Variants in DPP6 observed in about 807,000 individuals in gnomAD.
DPP6 encodes dipeptidyl peptidase like 6, also known as A-type potassium channel modulatory protein DPP6.
In DPP6, 69 loss-of-function variants were observed where a neutral mutation model predicts 122.6. That is an observed-to-expected ratio of 0.56 (90% CI 0.46 to 0.69). The LOEUF (loss-of-function observed/expected upper bound fraction) is 0.69. Ranked by LOEUF, DPP6 falls within the 30% of genes least tolerant of loss-of-function variation. DPP6 has a pLI of 0.00. For missense variants in DPP6, 928 were observed against 1,116.9 expected (o/e 0.83, Z 2.41); for synonymous variants, 418 against 433.1 (o/e 0.97, Z 0.43).
In DPP6 at chr7:154,892,694, G is replaced by A. The variant is rs1482524058; in HGVS notation, c.*214G>A. On this transcript the variant is annotated 3_prime_UTR_variant, in exon 26 of 26. Transcript: ENST00000377770. ...CGGCCTCCATGGCACCAGGGACAACGCTGTCCCCGCAGCAGCGCCTCCTCC... is the reference window on the plus strand; with the variant it reads ...CGGCCTCCATGGCACCAGGGACAACACTGTCCCCGCAGCAGCGCCTCCTCC... The A allele has an allele frequency of 2.9e-6, 3 of 1,025,304 alleles. No homozygotes were observed. In the African/African-American group the frequency reaches 4.7e-5, roughly 16 times the overall value. The allele number at this position is 1,025,304 out of a possible 1,614,324, so 63.5% of individuals were successfully genotyped here. A position where few individuals can be genotyped will look rare whatever the true frequency, so the allele number is the denominator to read the frequency against.
chr7:154,754,089 C>T (rs557001141), intron 8 of DPP6, among the ~76,000 whole-genome samples: 37 of 151,854 alleles, frequency 2.4e-4, no homozygotes, highest in Admixed American at 3.9e-4. Context: ...TTTTGATATC[C>T]ATTATTTTTC....
intron 6 of DPP6, among the ~76,000 whole-genome samples, chr7:154,643,238 A>G (rs1306229578): frequency 6.6e-6 from 1 of 151,540 alleles, no homozygotes; most frequent in East Asian, 1.9e-4. Flanking sequence ...AATACTCAAT[A>G]ATTTTTTTTA....
intron 1 of DPP6, among the ~76,000 whole-genome samples, chr7:153,906,609 T>A (rs1799862715): frequency 6.6e-6 from 1 of 152,072 alleles, no homozygotes; most frequent in Non-Finnish European, 1.5e-5. Context: ...TCTTACCATG[T>A]CTAGTTAATT....
At chr7:154,015,924 G>A (rs35010474) in intron 1 of DPP6, among the ~76,000 whole-genome samples, 16,452 of 152,142 alleles carry the variant, frequency 0.11, 993 homozygotes, top group East Asian at 0.19. Flanking sequence ...ATCTCAGACC[G>A]AAGCTCCTTA....
At chr7:154,129,267 A>G (rs531314419) in intron 1 of DPP6, among the ~76,000 whole-genome samples, 9 of 152,100 alleles carry the variant, frequency 5.9e-5, no homozygotes, top group Admixed American at 2.6e-4. Flanking sequence ...CATTAACAAG[A>G]GGCTTATCTA....
intron 1 of DPP6, among the ~76,000 whole-genome samples, chr7:153,892,737 T>A (rs1354172798): frequency 6.6e-6 from 1 of 152,210 alleles, no homozygotes; most frequent in East Asian, 1.9e-4. Context: ...GTGCTGGTTC[T>A]AAATGGGAGC....
chr7:154,254,766 A>G (rs1159882501), intron 1 of DPP6, among the ~76,000 whole-genome samples: 2 of 152,158 alleles, frequency 1.3e-5, no homozygotes, highest in Admixed American at 6.5e-5. Context: ...CAAAAATACG[A>G]GCTTCAATGA....
At chr7:154,018,858 T>C (rs1055684753) in intron 1 of DPP6, among the ~76,000 whole-genome samples, 2 of 152,004 alleles carry the variant, frequency 1.3e-5, no homozygotes, top group African/African-American at 4.8e-5. Context: ...AGAGATCCTT[T>C]TGGGATGAGA....
intron 7 of DPP6, among the ~76,000 whole-genome samples, chr7:154,702,479 A>G (rs1384721388): frequency 6.6e-6 from 1 of 152,292 alleles, no homozygotes; most frequent in African/African-American, 2.4e-5. Flanking sequence ...TTGCTGCTCC[A>G]GTGAACATGT....
chr7:154,340,506 G>C (rs945255490), intron 1 of DPP6, among the ~76,000 whole-genome samples: 1 of 152,152 alleles, frequency 6.6e-6, no homozygotes, highest in Non-Finnish European at 1.5e-5. Flanking sequence ...CTGGCTCACT[G>C]GCTATGGTGA....
chr7:154,151,973 C>T (rs1192070943), intron 1 of DPP6, among the ~76,000 whole-genome samples: 18 of 151,116 alleles, frequency 1.2e-4, no homozygotes, highest in African/African-American at 2.9e-4. Context: ...ACACATTGCA[C>T]GGCCTGGCAC....
At chr7:154,183,887 G>A (rs948915940) in intron 1 of DPP6, among the ~76,000 whole-genome samples, 4 of 152,222 alleles carry the variant, frequency 2.6e-5, no homozygotes, top group Non-Finnish European at 4.4e-5. Context: ...CCTCTGCATC[G>A]TGCATTTCTC....
At chr7:154,429,772 T>G (rs1430481145) in intron 1 of DPP6, among the ~76,000 whole-genome samples, 1 of 152,144 alleles carries the variant, frequency 6.6e-6, no homozygotes, top group African/African-American at 2.4e-5. Context: ...AGGCAGGGCT[T>G]GAATGAGGTG....
chr7:153,896,562 T>C (rs186232754), intron 1 of DPP6, among the ~76,000 whole-genome samples: 155 of 152,284 alleles, frequency 1.0e-3, no homozygotes, highest in East Asian at 5.2e-3. Flanking sequence ...CTCAGCACTT[T>C]GGGAGGCTGA....
intron 1 of DPP6, among the ~76,000 whole-genome samples, chr7:154,292,648 A>G (rs1199028216): frequency 6.6e-6 from 1 of 152,176 alleles, no homozygotes; most frequent in Admixed American, 6.5e-5. Context: ...TCATCTGGAG[A>G]AGCTAAGGGA....
At chr7:153,774,965 C>T in the DPP6 span, among the ~76,000 whole-genome samples, 2 of 151,492 alleles carry the variant, frequency 1.3e-5, no homozygotes, top group African/African-American at 2.4e-5. Flanking sequence ...CAGAGCAAGA[C>T]CCTGTCTTGG....
the DPP6 span, among the ~76,000 whole-genome samples, chr7:153,769,110 G>T: frequency 5.9e-5 from 9 of 152,250 alleles, no homozygotes; most frequent in Admixed American, 1.3e-4. Context: ...ATTTTCATAG[G>T]TTGGTCTTGT....
chr7:154,206,070 G>T (rs369045360), intron 1 of DPP6, among the ~76,000 whole-genome samples: 1 of 152,198 alleles, frequency 6.6e-6, no homozygotes, highest in Admixed American at 6.5e-5. Context: ...TTGAATGAAG[G>T]TCTCTAAAGA....
At chr7:154,106,856 C>T (rs961605206) in intron 1 of DPP6, among the ~76,000 whole-genome samples, 29 of 152,186 alleles carry the variant, frequency 1.9e-4, no homozygotes, top group African/African-American at 6.0e-4. Flanking sequence ...GAAGGAGCAA[C>T]GCACTGACGC....
Sources: gnomAD v4.1 joint callset for allele counts (sites outside exome capture counted in the v4.1 genomes callset) on GRCh38, gnomAD v4.1.1 for gene constraint, MANE v1.5 for transcripts, NCBI Gene and HGNC (gene_info 2026-07-23, HGNC 2026-07-21) for gene names.